Variants in C12orf54 observed in about 807,000 individuals in gnomAD.
C12orf54 encodes uncharacterized protein C12orf54.
C12orf54 carries 24 observed loss-of-function variants against 26.4 expected under a neutral mutation model. That is an observed-to-expected ratio of 0.91 (90% CI 0.66 to 1.28). The LOEUF is 1.28. C12orf54 is among the 50% of genes most tolerant of loss of function. The probability of loss-of-function intolerance (pLI) is 0.00; values close to 1 mark genes in which losing one functional copy is unlikely to be tolerated. For synonymous variants in C12orf54, 54 were observed against 47.0 expected, an observed-to-expected ratio of 1.15 and a Z score of -0.61; for missense variants, 154 against 150.9, an observed-to-expected ratio of 1.02 and a Z score of -0.11.
the C12orf54 span, among the ~76,000 whole-genome samples, chr12:48,451,628 G>A: frequency 6.6e-6 from 1 of 152,144 alleles, no homozygotes; most frequent in Non-Finnish European, 1.5e-5. Flanking sequence ...AAGCTGATAA[G>A]CAACTTCAGC....
At chr12:48,482,434 A>G (rs993229232), upstream of C12orf54, 2 of 152,230 alleles carry the variant, frequency 1.3e-5, no homozygotes, top group Admixed American at 6.6e-5. Context: ...TTGTCCGTCT[A>G]TGAGGTCACA....
intron 4 of C12orf54, chr12:48,488,178 C>G: frequency 1.4e-6 from 1 of 734,078 alleles, no homozygotes; most frequent in Admixed American, 1.8e-5. Flanking sequence ...TATCCAGTAT[C>G]TCCATGATTA....
chr12:48,439,283 C>T, the C12orf54 span, among the ~76,000 whole-genome samples: 3 of 152,184 alleles, frequency 2.0e-5, no homozygotes, highest in Non-Finnish European at 2.9e-5. Flanking sequence ...AACAGGAACA[C>T]TTTTACACTG....
the C12orf54 span, among the ~76,000 whole-genome samples, chr12:48,474,738 A>G: frequency 3.3e-5 from 5 of 152,264 alleles, no homozygotes; most frequent in African/African-American, 1.2e-4. Context: ...TAGGTAAACA[A>G]AGCAGCCGGG....
intron 7 of C12orf54, among the ~76,000 whole-genome samples, chr12:48,493,524 G>A (rs1937837733): frequency 4.0e-5 from 6 of 151,288 alleles, no homozygotes; most frequent in Admixed American, 4.0e-4. Context: ...GGAGGCTGAG[G>A]TGAAAGGACA....
At chr12:48,486,924 G>T (rs1386065169) in intron 4 of C12orf54, among the ~76,000 whole-genome samples, 198 bp downstream of exon 4, 1 of 152,176 alleles carries the variant, frequency 6.6e-6, no homozygotes, top group Non-Finnish European at 1.5e-5. Context: ...GTGCATGTTA[G>T]TGCCCCTTCC....
At chr12:48,473,058 T>G in the C12orf54 span, 6 of 1,614,022 alleles carry the variant, frequency 3.7e-6, no homozygotes, top group Non-Finnish European at 5.1e-6. Context: ...GAACAACTAC[T>G]GAGAAAAGAT....
the C12orf54 span, among the ~76,000 whole-genome samples, chr12:48,415,467 T>C: frequency 1.3e-5 from 2 of 152,318 alleles, no homozygotes; most frequent in Non-Finnish European, 1.5e-5. Flanking sequence ...TTTCTGTTCT[T>C]TTCTTATTTG....
At chr12:48,465,434 G>C in the C12orf54 span, among the ~76,000 whole-genome samples, 1 of 152,064 alleles carries the variant, frequency 6.6e-6, no homozygotes, top group South Asian at 2.1e-4. Flanking sequence ...CAAGGTTGTG[G>C]AGAAAAAGGA....
the C12orf54 span, among the ~76,000 whole-genome samples, chr12:48,464,145 T>C: frequency 6.6e-6 from 1 of 152,142 alleles, no homozygotes; most frequent in Non-Finnish European, 1.5e-5. Context: ...CGATCTTTGT[T>C]TGCAGATGAC....
chr12:48,431,569 C>T, the C12orf54 span, among the ~76,000 whole-genome samples: 1 of 151,850 alleles, frequency 6.6e-6, no homozygotes, highest in East Asian at 1.9e-4. Context: ...CACAAGTGTA[C>T]AATAATCATC....
At chr12:48,483,404 A>C (rs114068718) in intron 2 of C12orf54, 43 bp downstream of exon 2, 3 of 1,583,674 alleles carry the variant, frequency 1.9e-6, no homozygotes, top group Non-Finnish European at 1.7e-6. Flanking sequence ...TTAGATTGCT[A>C]TACTCTATGG....
At chr12:48,456,229 C>T in the C12orf54 span, among the ~76,000 whole-genome samples, 3 of 152,148 alleles carry the variant, frequency 2.0e-5, no homozygotes, top group East Asian at 3.8e-4. Context: ...AGGAGAGAGT[C>T]TCTGCCTTTA....
the C12orf54 span, among the ~76,000 whole-genome samples, chr12:48,446,131 G>A: frequency 6.6e-6 from 1 of 152,152 alleles, no homozygotes; most frequent in Non-Finnish European, 1.5e-5. Flanking sequence ...TGAGTTGGTG[G>A]GTGTGCCTCT....
At chr12:48,420,399 C>T in the C12orf54 span, among the ~76,000 whole-genome samples, 1 of 152,166 alleles carries the variant, frequency 6.6e-6, no homozygotes, top group Admixed American at 6.5e-5. Context: ...AAGACTTAGC[C>T]ACCCTTTTTT....
intron 6 of C12orf54, among the ~76,000 whole-genome samples, chr12:48,491,113 G>A (rs955323494): frequency 1.3e-5 from 2 of 152,200 alleles, no homozygotes; most frequent in African/African-American, 4.8e-5. Context: ...ATTGCCTCGT[G>A]TCTGAGTCTG....
chr12:48,453,991 C>T, the C12orf54 span, among the ~76,000 whole-genome samples: 23 of 151,986 alleles, frequency 1.5e-4, no homozygotes, highest in South Asian at 4.8e-3. Flanking sequence ...ATCAGGATAC[C>T]ATGAGGTCAG....
the C12orf54 span, among the ~76,000 whole-genome samples, chr12:48,471,243 C>T: frequency 6.6e-6 from 1 of 152,076 alleles, no homozygotes; most frequent in African/African-American, 2.4e-5. Context: ...TAATAAACTC[C>T]AGTTCCATTC....
the C12orf54 span, among the ~76,000 whole-genome samples, chr12:48,457,191 G>T: frequency 0.13 from 19,250 of 152,014 alleles, 1,617 homozygotes; most frequent in Non-Finnish European, 0.2. Flanking sequence ...TATAGAGTGA[G>T]AGGTGACCGT....
Sources: gnomAD v4.1 joint callset for allele counts (sites outside exome capture counted in the v4.1 genomes callset) on GRCh38, gnomAD v4.1.1 for gene constraint, MANE v1.5 for transcripts, NCBI Gene and HGNC (gene_info 2026-07-23, HGNC 2026-07-21) for gene names.